HMGB3: variants seen among roughly 807,000 people sequenced by gnomAD.
HMGB3 encodes high mobility group protein B3.
Under a neutral mutation model 12.9 loss-of-function variants are expected in HMGB3, and 1 was observed. That is an observed-to-expected ratio of 0.08 (90% CI 0.03 to 0.37). HMGB3 has a LOEUF of 0.37. HMGB3 is among the 10% of genes least tolerant of loss of function. The probability of loss-of-function intolerance (pLI) is 0.99; values close to 1 mark genes in which losing one functional copy is unlikely to be tolerated. For synonymous variants in HMGB3, 61 were observed against 53.9 expected (o/e 1.13, Z -0.57); for missense variants, 74 against 153.3 (o/e 0.48, Z 2.73).
At chrX:150,983,493 C>T (rs1269709931) in intron 1 of HMGB3, 117 bp downstream of exon 1, 27 of 733,766 alleles carry the variant, frequency 3.7e-5, no homozygotes, top group Non-Finnish European at 4.3e-5. Context: ...GCCGTGAGCG[C>T]GCCCTGCCGC....
chrX:150,990,316 T>C lies in HMGB3; in HGVS notation c.*2402T>C, dbSNP rs1282805501. ...GGGAGCAGTTTAGCCAGATGATCTT[T>C]GATTAGGCAAACATTGAGTTTTAAA... On this transcript the variant is annotated 3_prime_UTR_variant, in exon 5 of 5. Coordinates refer to ENST00000325307, the MANE Select transcript of HMGB3 (RefSeq NM_005342.4). 1 of 112,067 alleles carries C rather than the reference T, an allele frequency of 8.9e-6. No individual in the cohort carries two copies. The highest frequency in any genetic ancestry group is 3.2e-5 in the African/African-American group (1 of 30,841). The allele number at this position is 112,067 out of a possible 1,213,427, so 9.2% of individuals were successfully genotyped here. A position where few individuals can be genotyped will look rare whatever the true frequency, so the allele number is the denominator to read the frequency against.
intron 3 of HMGB3, 117 bp from the exon 4 acceptor site, chrX:150,987,011 C>G: frequency 1.9e-6 from 1 of 523,659 alleles, no homozygotes; most frequent in Non-Finnish European, 3.2e-6. Context: ...TCATAGATTA[C>G]TTCACTTTAG....
intron 1 of HMGB3, among the ~76,000 whole-genome samples, chrX:150,983,821 G>A (rs1557425153): frequency 9.4e-6 from 1 of 106,937 alleles, no homozygotes; most frequent in Non-Finnish European, 2.0e-5. Flanking sequence ...TCCCCGGCCC[G>A]CGACGGACTC....
upstream of HMGB3, among the ~76,000 whole-genome samples, chrX:150,982,591 C>A (rs2047998958): frequency 8.9e-6 from 1 of 112,936 alleles, no homozygotes; most frequent in Non-Finnish European, 1.9e-5. Flanking sequence ...CAATTTCTCA[C>A]AAATTCTCTG....
In HMGB3 at chrX:150,989,391, C is replaced by T. The variant is rs1040500743; in HGVS notation, c.*1477C>T. 3.6e-5 allele frequency: 4 copies of T among 111,363 alleles called. No individual in the cohort carries two copies. The highest frequency in any genetic ancestry group is 7.5e-5 in the Non-Finnish European group (4 of 53,091). 9.2% of individuals were successfully genotyped at this position (111,363 alleles called of 1,213,427 possible). ...ATCTTGGGCCACCTGAGCTATAGGG[C>T]AGGCTAATGGAATCAACCATTTCTG... On this transcript the variant is annotated 3_prime_UTR_variant, in exon 5 of 5. Coordinates refer to ENST00000325307, the MANE Select transcript of HMGB3 (RefSeq NM_005342.4).
intron 1 of HMGB3, among the ~76,000 whole-genome samples, chrX:150,985,144 G>C (rs914635668): frequency 2.7e-5 from 3 of 111,600 alleles, no homozygotes; most frequent in Non-Finnish European, 5.6e-5. Context: ...GTTCAGCAGT[G>C]GTAAGAGTTG....
At position 150,990,270 on chromosome X, in the gene HMGB3, A is replaced by C. The variant is rs2048098994; in HGVS notation, c.*2356A>C. The C allele has an allele frequency of 8.9e-6, 1 of 112,298 alleles. No homozygotes were observed. Among genetic ancestry groups the C allele is most frequent in the South Asian group, 3.7e-4 (1 of 2,732 alleles). The allele number at this position is 112,298 out of a possible 1,213,427, so 9.3% of individuals were successfully genotyped here. On this transcript the variant is annotated 3_prime_UTR_variant, in exon 5 of 5. Transcript: ENST00000325307. ...GGAAAGGGGTAACTTTTGTGCTTCC[A>C]AAGTAGCTAAGCAGAAGTGGGGGAG... is the stretch of plus-strand genomic sequence containing the variant.
intron 3 of HMGB3, among the ~76,000 whole-genome samples, chrX:150,986,908 A>G (rs1281855766): frequency 8.9e-6 from 1 of 111,732 alleles, no homozygotes; most frequent in African/African-American, 3.3e-5. Context: ...CGGCCTCCCA[A>G]AGTGCTGGAA....
chrX:150,983,398 CCCGCCGCCGCCGCCGCCGCCGCCG>C (rs782215936), intron 1 of HMGB3, 22 bp downstream of exon 1: 6,866 of 672,121 alleles, frequency 0.01, 6 homozygotes, highest in South Asian at 0.024. Context: ...ACCGCCCGCT[CCCGCCGCCGCCGCCGCCGCCGCCG>C]CCGCCGCCGC....
upstream of HMGB3, among the ~76,000 whole-genome samples, chrX:150,982,716 C>T (rs2047999763): frequency 8.8e-6 from 1 of 113,425 alleles, no homozygotes. Flanking sequence ...TCCGCAGAAG[C>T]GGAATCAGGT....
chrX:150,990,718 C>T lies in HMGB3; in HGVS notation c.*2804C>T, dbSNP rs913900491. The stretch of plus-strand genomic sequence containing the variant: ...TTCTTGTCACAAATGTATTTGGGGA[C>T]GTTGGATGCATTCATTTTCTGTAAT... On this transcript the variant is annotated 3_prime_UTR_variant, in exon 5 of 5. Coordinates refer to ENST00000325307, the MANE Select transcript of HMGB3 (RefSeq NM_005342.4). 5.4e-5 allele frequency: 6 copies of T among 111,619 alleles called. No individual in the cohort carries two copies. The highest frequency in any genetic ancestry group is 1.3e-4 in the African/African-American group (4 of 30,686). The allele number at this position is 111,619 out of a possible 1,213,427, so 9.2% of individuals were successfully genotyped here.
At chrX:150,983,185 C>A, upstream of HMGB3, 2 of 519,888 alleles carry the variant, frequency 3.8e-6, no homozygotes, top group Non-Finnish European at 4.7e-6. Context: ...ATCCCAGCAG[C>A]CGCGCCCAAT....
intron 1 of HMGB3, among the ~76,000 whole-genome samples, chrX:150,983,833 G>A (rs2048016165): frequency 9.3e-6 from 1 of 107,301 alleles, no homozygotes; most frequent in African/African-American, 3.3e-5. Context: ...GACGGACTCC[G>A]CTGGGGAACG....
upstream of HMGB3, among the ~76,000 whole-genome samples, chrX:150,981,698 C>T (rs1366556225): frequency 2.7e-5 from 3 of 110,827 alleles, no homozygotes; most frequent in African/African-American, 9.9e-5. Context: ...TCTCGTGATC[C>T]GCCTGCCTCA....
Position 150,986,046 on chromosome X carries a change from T to G in HMGB3, c.151-5T>G. The G allele has an allele frequency of 8.3e-7, 1 of 1,206,378 alleles. No individual in the cohort carries two copies. The highest frequency in any genetic ancestry group is 1.1e-6 in the Non-Finnish European group (1 of 893,525). On this transcript the variant is annotated splice_region_variant and splice_polypyrimidine_tract_variant and intron_variant, in intron 2 of 4. Transcript: ENST00000325307. ...GAGGGATTTAACGAGTCCTGTTCTTTGCAGACGATGTCCGGGAAAGAGAAA... is the reference window on the plus strand; with the variant it reads ...GAGGGATTTAACGAGTCCTGTTCTTGGCAGACGATGTCCGGGAAAGAGAAA...
At chrX:150,984,162 C>A (rs1160201853) in intron 1 of HMGB3, among the ~76,000 whole-genome samples, 1 of 97,839 alleles carries the variant, frequency 1.0e-5, no homozygotes, top group Non-Finnish European at 2.1e-5. Context: ...CCCCGGCGCC[C>A]GCGGCCCGGG....
rs1258974088 is a variant in HMGB3 at position 150,983,509 on chromosome X, C to T, written c.-6+133C>T. ...CCGTGAGCGCGCCCTGCCGCCGCCT[C>T]CCCCTGCCTCTACTCCCCATTCCCT... is the stretch of plus-strand genomic sequence containing the variant. On this transcript the variant is annotated intron_variant, in intron 1 of 4. Transcript: ENST00000325307. 6.9e-6 allele frequency: 5 copies of T among 728,542 alleles called. No homozygotes were observed. The African/African-American group carries it at 1.2e-4, about 17-fold the overall frequency. The allele number at this position is 728,542 out of a possible 1,213,427, so 60.0% of individuals were successfully genotyped here. A position where few individuals can be genotyped will look rare whatever the true frequency, so the allele number is the denominator to read the frequency against.
chrX:150,983,759 C>T (rs1389443684), intron 1 of HMGB3, among the ~76,000 whole-genome samples: 3 of 107,176 alleles, frequency 2.8e-5, no homozygotes, highest in African/African-American at 1.0e-4. Context: ...AGCAGAGGGG[C>T]GGCTGCGGGC....
At chrX:150,985,033 C>A (rs973721784) in intron 1 of HMGB3, among the ~76,000 whole-genome samples, 2 of 111,676 alleles carry the variant, frequency 1.8e-5, no homozygotes, top group Admixed American at 9.5e-5. Flanking sequence ...CTTTCCAGAT[C>A]TCCCGTGTTG....
Sources: gnomAD v4.1 joint callset for allele counts (sites outside exome capture counted in the v4.1 genomes callset) on GRCh38, gnomAD v4.1.1 for gene constraint, MANE v1.5 for transcripts, NCBI Gene and HGNC (gene_info 2026-07-23, HGNC 2026-07-21) for gene names.